Variants in AFDN observed in about 807,000 individuals in gnomAD.
AFDN encodes the protein afadin.
In AFDN, 68 loss-of-function variants were observed where a neutral mutation model predicts 216.6. The observed-to-expected ratio is 0.31, with a 90% CI of 0.26 to 0.38. AFDN has a LOEUF of 0.38. Ranked by LOEUF, AFDN falls within the 10% of genes least tolerant of loss-of-function variation. AFDN has a pLI of 1.00. For missense variants in AFDN, 2,136 were observed against 2,342.0 expected (o/e 0.91, Z 1.82); for synonymous variants, 868 against 853.7 (o/e 1.02, Z -0.29).
At chr6:167,864,416 C>G (rs1783941485) in intron 1 of AFDN, 135 bp from the exon 2 acceptor site, 1 of 866,424 alleles carries the variant, frequency 1.2e-6, no homozygotes, top group South Asian at 1.3e-5. Flanking sequence ...AAACCCATCT[C>G]TCTACATTAG....
At chr6:167,893,437 G>A (rs557298842) in intron 8 of AFDN, among the ~76,000 whole-genome samples, 1 of 152,300 alleles carries the variant, frequency 6.6e-6, no homozygotes, top group South Asian at 2.1e-4. Context: ...GTGGTTAGGA[G>A]TTTTTTTGAG....
At chr6:167,908,807 A>G (rs1295585473) in intron 13 of AFDN, among the ~76,000 whole-genome samples, 4 of 152,172 alleles carry the variant, frequency 2.6e-5, no homozygotes, top group South Asian at 2.1e-4. Context: ...TGCTATTACT[A>G]CAATGATGAG....
At chr6:167,836,157 A>G (rs777657612) in intron 1 of AFDN, among the ~76,000 whole-genome samples, 31 of 152,196 alleles carry the variant, frequency 2.0e-4, no homozygotes, top group East Asian at 5.8e-4. Context: ...AAGTTTTATT[A>G]CTTGAATTCA....
chr6:167,966,184 C>T, intron 32 of AFDN, 139 bp downstream of exon 32: 2 of 1,534,604 alleles, frequency 1.3e-6, no homozygotes, highest in Non-Finnish European at 1.7e-6. Context: ...CCACCCTCAG[C>T]CAAAGCCAAC....
chr6:167,951,460 C>G lies in AFDN; in HGVS notation c.4106C>G (p.Thr1369Arg), dbSNP rs1407107145. Residue 1369 changes from threonine to arginine, a missense_variant, in exon 30 of 34, where the codon ACA (threonine) becomes AGA (arginine). Thr to Arg is a moderately conservative substitution (Grantham distance 71, BLOSUM62 -1). Coordinates refer to ENST00000683244, the MANE Select transcript of AFDN (RefSeq NM_001386888.1). The surrounding 1 kb of genome is among the most constrained non-coding windows in gnomAD (Gnocchi z 7.1). ...GTGGCCGTCTCCCAGCCAATCCGAA[C>G]AGACCTGCCTCCGCCACCCCCGCCA... ...TPVAVSQPIRTDLPPPPPPPP... is the reference protein window; with the variant it reads ...TPVAVSQPIRRDLPPPPPPPP... 6.2e-7 allele frequency: 1 copy of G among 1,614,152 alleles called. No homozygotes were observed. The highest frequency in any genetic ancestry group is 8.5e-7 in the Non-Finnish European group (1 of 1,180,040).
chr6:167,916,724 A>G (rs1362212535), intron 19 of AFDN, among the ~76,000 whole-genome samples: 1 of 152,144 alleles, frequency 6.6e-6, no homozygotes, highest in African/African-American at 2.4e-5. Flanking sequence ...TATAGAGGCT[A>G]GACAGCTGGT....
intron 30 of AFDN, among the ~76,000 whole-genome samples, chr6:167,957,521 G>A (rs1796639761): frequency 6.6e-6 from 1 of 152,288 alleles, no homozygotes; most frequent in South Asian, 2.1e-4. Context: ...GAGATGGTGT[G>A]TAAGTCATGT....
At chr6:167,966,263 C>T in intron 32 of AFDN, 1 of 1,522,386 alleles carries the variant, frequency 6.6e-7, no homozygotes. Context: ...ATCCCAGCCA[C>T]TGCAAAGGTA....
At chr6:167,913,701 TG>T (rs1309861925) in intron 16 of AFDN, 1 of 499,764 alleles carries the variant, frequency 2.0e-6, no homozygotes, top group Non-Finnish European at 3.5e-6. Flanking sequence ...GGATCTCATC[TG>T]AGGTTGCCTG....
At chr6:167,880,189 C>T (rs1785935032) in intron 5 of AFDN, among the ~76,000 whole-genome samples, 171 bp from the exon 6 acceptor site, 1 of 152,090 alleles carries the variant, frequency 6.6e-6, no homozygotes, top group South Asian at 2.1e-4. Context: ...CTAGTTACTG[C>T]TATTATATGT....
intron 6 of AFDN, among the ~76,000 whole-genome samples, chr6:167,887,726 AG>A (rs1478852418): frequency 6.6e-6 from 1 of 152,114 alleles, no homozygotes; most frequent in Admixed American, 6.5e-5. Flanking sequence ...CCAAAGTGCT[AG>A]GATTACAGGC....
intron 5 of AFDN, among the ~76,000 whole-genome samples, chr6:167,876,145 CT>C (rs1420598705): frequency 3.3e-5 from 5 of 152,140 alleles, no homozygotes; most frequent in African/African-American, 1.2e-4. Flanking sequence ...TCTATTTCTC[CT>C]GAGCATATTT....
At position 167,948,495 on chromosome 6, in the gene AFDN, T is replaced by C. The variant is rs1391666456; in HGVS notation, c.3831+17T>C. 3 of 1,608,746 alleles carry C rather than the reference T, an allele frequency of 1.9e-6. No individual in the cohort carries two copies. Among genetic ancestry groups the C allele is most frequent in the Non-Finnish European group, 2.6e-6 (3 of 1,175,916 alleles). On this transcript the variant is annotated intron_variant, in intron 29 of 33. Coordinates refer to ENST00000683244, the MANE Select transcript of AFDN (RefSeq NM_001386888.1). Reference sequence around the variant, plus strand: ...GCAATTCAGGTTAGAAATCAAAGATTCCACACACTTTTCTCACCTCTCAAG... The same window carrying C: ...GCAATTCAGGTTAGAAATCAAAGATCCCACACACTTTTCTCACCTCTCAAG...
chr6:167,833,854 T>G (rs1252317916), intron 1 of AFDN, among the ~76,000 whole-genome samples: 1 of 152,210 alleles, frequency 6.6e-6, no homozygotes, highest in African/African-American at 2.4e-5. Flanking sequence ...ATGCTTAGTA[T>G]AAAATTCATA....
At chr6:167,864,279 G>T (rs1783917187) in intron 1 of AFDN, 1 of 650,568 alleles carries the variant, frequency 1.5e-6, no homozygotes, top group Non-Finnish European at 2.9e-6. Flanking sequence ...ACTTGCCAAG[G>T]ACCAATAGAT....
rs760377337 is a variant in AFDN at position 167,952,588 on chromosome 6, C to G, written c.4833+401C>G. 1.9e-5 allele frequency: 14 copies of G among 734,600 alleles called. No individual in the cohort carries two copies. In the African/African-American group the frequency reaches 2.7e-4, roughly 14 times the overall value. The allele number at this position is 734,600 out of a possible 1,614,324, so 45.5% of individuals were successfully genotyped here. The stretch of plus-strand genomic sequence containing the variant: ...TTAGGCTTTGCAGGCCACGGGGTCT[C>G]TGGCAACCCCCAGCTCTGCTGTTGT... On this transcript the variant is annotated intron_variant, in intron 30 of 33. Coordinates refer to ENST00000683244, the MANE Select transcript of AFDN (RefSeq NM_001386888.1).
At chr6:167,858,448 C>T (rs565216738) in intron 1 of AFDN, among the ~76,000 whole-genome samples, 5 of 152,246 alleles carry the variant, frequency 3.3e-5, no homozygotes, top group Admixed American at 3.3e-4. Context: ...CAATCGTGTG[C>T]TTTCTCTCTG....
intron 1 of AFDN, among the ~76,000 whole-genome samples, chr6:167,858,560 A>G (rs770555926): frequency 6.6e-6 from 1 of 152,200 alleles, no homozygotes; most frequent in Non-Finnish European, 1.5e-5. Flanking sequence ...TTGGTGAATA[A>G]GCATTAAGAT....
At chr6:167,950,055 C>G (rs140343865) in intron 29 of AFDN, among the ~76,000 whole-genome samples, 103 of 152,280 alleles carry the variant, frequency 6.8e-4, no homozygotes, top group Non-Finnish European at 1.2e-3. Flanking sequence ...GGCACAGTCT[C>G]TGTTTTTATG....
Sources: gnomAD v4.1 joint callset for allele counts (sites outside exome capture counted in the v4.1 genomes callset) on GRCh38, gnomAD v4.1.1 for gene constraint, Gnocchi (gnomAD v3.1) non-coding constraint, MANE v1.5 for transcripts, NCBI Gene and HGNC (gene_info 2026-07-23, HGNC 2026-07-21) for gene names.